The following MCM6 variants were observed in gnomAD, a reference collection of about 807,000 sequenced individuals.
The protein encoded by MCM6 is minichromosome maintenance complex component 6.
MCM6 carries 46 observed loss-of-function variants against 94.3 expected under a neutral mutation model. The ratio of observed to expected loss-of-function variants is 0.49; its 90% CI spans 0.39 to 0.62. The LOEUF is 0.62. Among genes scored for constraint, MCM6 ranks in the 20% least tolerant of loss-of-function variants. The pLI, the probability that MCM6 is intolerant of heterozygous loss-of-function variation, is 0.00. For missense variants in MCM6, 865 were observed against 1,017.9 expected (o/e 0.85, Z 2.04); for synonymous variants, 335 against 351.9 (o/e 0.95, Z 0.54).
At chr2:135,864,829 G>C (rs1680061381) in intron 7 of MCM6, among the ~76,000 whole-genome samples, 184 bp downstream of exon 7, 1 of 152,076 alleles carries the variant, frequency 6.6e-6, no homozygotes, top group African/African-American at 2.4e-5. Flanking sequence ...GTGTCTCTAT[G>C]AATTTGCACA....
At chr2:135,857,832 T>G in intron 10 of MCM6, 65 bp downstream of exon 10, 8 of 1,347,608 alleles carry the variant, frequency 5.9e-6, no homozygotes, top group Non-Finnish European at 8.5e-6. Context: ...GGTGAACTTC[T>G]CTAGTACTAC....
rs186771844 is a variant in MCM6, at chr2:135,868,953, T to C, written c.366-93A>G. 337 of 1,288,228 alleles carry C rather than the reference T, an allele frequency of 2.6e-4. 1 individual carries two copies. Among genetic ancestry groups the C allele is most frequent in the Admixed American group, 1.4e-3 (63 of 45,258 alleles). The allele number at this position is 1,288,228 out of a possible 1,614,324, so 79.8% of individuals were successfully genotyped here. A position where few individuals can be genotyped will look rare whatever the true frequency, so the allele number is the denominator to read the frequency against. On this transcript the variant is annotated intron_variant, in intron 3 of 16. Coordinates refer to ENST00000264156, the MANE Select transcript of MCM6 (RefSeq NM_005915.6). ...AGAGGGTATTCAAAGATAATTTATG[T>C]TTAAAAAAAAAATTCAAGAGACAAG...
chr2:135,855,758 T>A (rs2105580694), intron 11 of MCM6, among the ~76,000 whole-genome samples: 1 of 152,350 alleles, frequency 6.6e-6, no homozygotes, highest in Non-Finnish European at 1.5e-5. Context: ...AACAAAGAGC[T>A]GTGCACTGTA....
intron 7 of MCM6, 125 bp downstream of exon 7, chr2:135,864,888 T>G (rs1391434670): frequency 1.7e-6 from 1 of 588,824 alleles, no homozygotes; most frequent in Non-Finnish European, 2.7e-6. Context: ...CTTTTGTAAA[T>G]GACCTCTTTC....
rs1321057045 is a variant in MCM6, at chr2:135,872,856, TCG to T, written c.108-15_108-14del. The T allele has an allele frequency of 2.5e-6, 4 of 1,613,328 alleles. No individual in the cohort carries two copies. Among genetic ancestry groups the T allele is most frequent in the Non-Finnish European group, 3.4e-6 (4 of 1,179,724 alleles). ...GCTGCTCTGAAACCTGCAGGTACAT[TCG>T]AGTCAACTAGATTAAGGACACAGGC... On this transcript the variant is annotated splice_polypyrimidine_tract_variant and intron_variant, in intron 1 of 16. Transcript: ENST00000264156.
Position 135,865,134 on chromosome 2 carries a change from T to A in MCM6, c.957A>T (p.Glu319Asp). ...RFGGKELRDE[E>D]QTAESIKNQM... ...GGTTCTTAATGCTCTCAGCTGTCTG[T>A]TCCTCATCTCTGAGCTCTTTCCCCC... Residue 319 changes from glutamate to aspartate, a missense_variant, in exon 7 of 17, where the codon GAA (glutamate) becomes GAT (aspartate). Physicochemically the swap from Glu to Asp is conservative, Grantham distance 45. Coordinates refer to ENST00000264156, the MANE Select transcript of MCM6 (RefSeq NM_005915.6). The A allele has an allele frequency of 6.4e-7, 1 of 1,563,462 alleles. No homozygotes were observed. The highest frequency in any genetic ancestry group is 1.2e-5 in the South Asian group (1 of 80,692).
At chr2:135,846,841 T>C (rs953890370) in intron 14 of MCM6, among the ~76,000 whole-genome samples, 2 of 151,938 alleles carry the variant, frequency 1.3e-5, no homozygotes, top group African/African-American at 4.8e-5. Flanking sequence ...CTGTCTATAC[T>C]AAAAATACAA....
intron 5 of MCM6, 80 bp from the exon 6 acceptor site, chr2:135,866,357 T>G: frequency 6.5e-7 from 1 of 1,543,136 alleles, no homozygotes; most frequent in African/African-American, 1.4e-5. Context: ...AAATGAAAGC[T>G]ATAAATCCAA....
At chr2:135,862,484 A>G (rs1199982735) in intron 8 of MCM6, 123 bp downstream of exon 8, 4 of 1,059,756 alleles carry the variant, frequency 3.8e-6, no homozygotes, top group African/African-American at 1.6e-5. Flanking sequence ...TGAGAATTAT[A>G]TATTCAACAT....
At position 135,865,013 on chromosome 2, in the gene MCM6, C is replaced by G; in HGVS notation, c.1078G>C (p.Gly360Arg). Residue 360 changes from glycine to arginine, a missense_variant and splice_region_variant, in exon 7 of 17, where the codon GGC (glycine) becomes CGC (arginine). By Grantham distance (125) the Gly-to-Arg change is moderately radical. Around this residue, in one of 3 missense-constraint regions of MCM6, gnomAD observed 404 missense variants for 451.9 expected, o/e 0.89. Coordinates refer to ENST00000264156, the MANE Select transcript of MCM6 (RefSeq NM_005915.6). ...LCTSLFPTIHGNDEVKRGVLL... is the reference protein window; with the variant it reads ...LCTSLFPTIHRNDEVKRGVLL... ...TGGTACAAATGGATGGAATTCTTAC[C>G]ATGTATAGTAGGGAACAGGCTGGTA... The G allele has an allele frequency of 7.1e-7, 1 of 1,403,462 alleles. No homozygotes were observed. The highest frequency in any genetic ancestry group is 9.3e-7 in the Non-Finnish European group (1 of 1,069,826). The allele number at this position is 1,403,462 out of a possible 1,614,324, so 86.9% of individuals were successfully genotyped here. A position where few individuals can be genotyped will look rare whatever the true frequency, so the allele number is the denominator to read the frequency against.
intron 16 of MCM6, among the ~76,000 whole-genome samples, chr2:135,843,445 G>C (rs1160661298): frequency 1.3e-5 from 2 of 151,986 alleles, no homozygotes; most frequent in Non-Finnish European, 2.9e-5. Context: ...AGAAGAGAAA[G>C]ATTCAGGCCA....
chr2:135,863,012 C>T lies in MCM6; in HGVS notation c.1079-264G>A, dbSNP rs1398692928. Among the ~76,000 whole-genome samples, 3 of 152,194 alleles carry T rather than the reference C, an allele frequency of 2.0e-5. No individual in the cohort carries two copies. In the East Asian group the frequency reaches 5.8e-4, roughly 29 times the overall value. ...ACCATCCTAAGAGCCTTTACTTGTCCATGAGTCCTACTTCCTACACAAAAC... is the reference window on the plus strand; with the variant it reads ...ACCATCCTAAGAGCCTTTACTTGTCTATGAGTCCTACTTCCTACACAAAAC... On this transcript the variant is annotated intron_variant, in intron 7 of 16. Coordinates refer to ENST00000264156, the MANE Select transcript of MCM6 (RefSeq NM_005915.6).
At position 135,840,646 on chromosome 2, in the gene MCM6, C is replaced by G; in HGVS notation, c.*189G>C. On this transcript the variant is annotated 3_prime_UTR_variant, in exon 17 of 17. Transcript: ENST00000264156. The stretch of plus-strand genomic sequence containing the variant: ...AAACACACCAAAGGAAGTGCTGAAG[C>G]CTGTGTTGGTATGAAACCTGTGATG... 1.8e-6 allele frequency: 1 copy of G among 558,598 alleles called. No homozygotes were observed. The highest frequency in any genetic ancestry group is 2.2e-5 in the South Asian group (1 of 45,952). The allele number at this position is 558,598 out of a possible 1,614,324, so 34.6% of individuals were successfully genotyped here.
rs754884492 is a variant in MCM6, at chr2:135,856,665, C to T, written c.1626+63G>A. The T allele has an allele frequency of 3.2e-6, 5 of 1,544,460 alleles. No individual in the cohort carries two copies. In the African/African-American group the frequency reaches 6.8e-5, roughly 21 times the overall value. On this transcript the variant is annotated intron_variant, in intron 11 of 16. Coordinates refer to ENST00000264156, the MANE Select transcript of MCM6 (RefSeq NM_005915.6). ...ATGCACCAGCTGTTGAGCAGTGTAT[C>T]TTCCAGCCTTGTCTCACTCGATTAC...
intron 16 of MCM6, among the ~76,000 whole-genome samples, chr2:135,844,119 CAA>C (rs748375569): frequency 5.9e-5 from 7 of 118,738 alleles, no homozygotes; most frequent in Admixed American, 8.6e-5. Flanking sequence ...GATAAGGATA[CAA>C]AAAAAAAAAA....
chr2:135,851,447 C>G lies in MCM6; in HGVS notation c.1872G>C (p.Met624Ile). Residue 624 changes from methionine to isoleucine, a missense_variant, in exon 13 of 17, where the codon ATG becomes ATC. Around this residue, in one of 3 missense-constraint regions of MCM6, gnomAD observed 308 missense variants for 324.5 expected, o/e 0.95. Transcript: ENST00000264156. ...GAGCCATAGCTTCAGAGAGACGAAT[C>G]ATGCTCTCAAGCTGTCGCACTGTAA... Reference protein sequence around the residue: ...WRITVRQLESMIRLSEAMARM... With the variant: ...WRITVRQLESIIRLSEAMARM... The G allele has an allele frequency of 6.2e-7, 1 of 1,613,784 alleles. No homozygotes were observed. Among genetic ancestry groups the G allele is most frequent in the Non-Finnish European group, 8.5e-7 (1 of 1,179,858 alleles).
intron 15 of MCM6, among the ~76,000 whole-genome samples, chr2:135,844,960 T>C (rs1424849254): frequency 1.3e-5 from 2 of 152,212 alleles, no homozygotes; most frequent in African/African-American, 4.8e-5. Context: ...TATTAAGATT[T>C]CAAAGTATGA....
chr2:135,844,309 A>T (rs1679632117), intron 16 of MCM6, among the ~76,000 whole-genome samples: 1 of 152,120 alleles, frequency 6.6e-6, no homozygotes, highest in Admixed American at 6.6e-5. Flanking sequence ...ACACCTAACT[A>T]GTAAGACTTC....
Position 135,856,745 on chromosome 2 carries a change from C to T in MCM6, c.1609G>A (p.Val537Met), listed in dbSNP as rs753769595. The part of the protein sequence containing the change: ...MSRFDLFFIL[V>M]DECNEVTDYA... ...GGGGTTACCTCATTACATTCATCCA[C>T]AAGGATAAAGAAGAGATCGAATCGG... Residue 537 changes from valine to methionine, a missense_variant, in exon 11 of 17, where the codon GTG becomes ATG. Transcript: ENST00000264156. The T allele has an allele frequency of 1.9e-6, 3 of 1,613,882 alleles. No individual in the cohort carries two copies. The South Asian group carries it at 3.3e-5, about 18-fold the overall frequency.
Sources: allele counts gnomAD v4.1 joint callset (sites outside exome capture counted in the v4.1 genomes callset), GRCh38; gene constraint gnomAD v4.1.1; regional missense constraint gnomAD v4.1.1; transcripts MANE v1.5; gene names NCBI Gene and HGNC (gene_info 2026-07-23, HGNC 2026-07-21).